The following EFL1 variants were observed in gnomAD, a reference collection of about 807,000 sequenced individuals.
EFL1 encodes elongation factor like GTPase 1, also known as elongation factor-like GTPase 1.
Under a neutral mutation model 126.7 loss-of-function variants are expected in EFL1, and 76 were observed. The ratio of observed to expected loss-of-function variants is 0.60; its 90% CI spans 0.50 to 0.73. The LOEUF (loss-of-function observed/expected upper bound fraction) is 0.73, where lower values mean the gene tolerates loss of function less well. EFL1 is among the 30% of genes least tolerant of loss of function. The pLI is 0.00. For synonymous variants in EFL1, 410 were observed against 448.4 expected (o/e 0.91, Z 1.08); for missense variants, 1,128 against 1,343.2 (o/e 0.84, Z 2.50).
At position 82,262,648 on chromosome 15, in the gene EFL1, C is replaced by G; in HGVS notation, c.-54G>C. 2 of 488,796 alleles carry G rather than the reference C, an allele frequency of 4.1e-6. No homozygotes were observed. The highest frequency in any genetic ancestry group is 4.8e-5 in the South Asian group (2 of 41,272). The allele number at this position is 488,796 out of a possible 1,614,324, so 30.3% of individuals were successfully genotyped here. A position where few individuals can be genotyped will look rare whatever the true frequency, so the allele number is the denominator to read the frequency against. Reference sequence around the variant, plus strand: ...CAGCCCCACCAGCCCCGCTCCTTCTCTCGGGTCGCACCCACACCGAGAGCT... The same window carrying G: ...CAGCCCCACCAGCCCCGCTCCTTCTGTCGGGTCGCACCCACACCGAGAGCT... On this transcript the variant is annotated 5_prime_UTR_variant, in exon 1 of 20. Transcript: ENST00000268206.
At chr15:82,261,651 T>C (rs1429631242) in intron 2 of EFL1, 37 bp downstream of exon 2, 1 of 1,587,520 alleles carries the variant, frequency 6.3e-7, no homozygotes, top group South Asian at 1.1e-5. Context: ...ACATCTCCCT[T>C]ATTTATCAAA....
At chr15:82,206,088 G>A (rs2074521862) in intron 15 of EFL1, among the ~76,000 whole-genome samples, 1 of 152,102 alleles carries the variant, frequency 6.6e-6, no homozygotes, top group South Asian at 2.1e-4. Context: ...TCCACTAGTC[G>A]CAAAGCATTG....
intron 9 of EFL1, among the ~76,000 whole-genome samples, chr15:82,228,539 G>A (rs2074788161): frequency 6.6e-6 from 1 of 152,140 alleles, no homozygotes; most frequent in Admixed American, 6.5e-5. Flanking sequence ...GATTTCCCAG[G>A]AAGTACTTCT....
chr15:82,230,080 A>G (rs2074805417), intron 8 of EFL1, among the ~76,000 whole-genome samples: 1 of 152,192 alleles, frequency 6.6e-6, no homozygotes, highest in South Asian at 2.1e-4. Context: ...ATGGCAAGGG[A>G]AGATGTTCAT....
intron 15 of EFL1, among the ~76,000 whole-genome samples, chr15:82,194,243 C>T (rs1320233259): frequency 3.9e-5 from 6 of 152,224 alleles, no homozygotes; most frequent in South Asian, 2.1e-4. Flanking sequence ...GACCAAATTT[C>T]GCTCTTCATT....
At chr15:82,164,123 G>T in intron 15 of EFL1, 139 bp from the exon 16 acceptor site, 1 of 1,058,668 alleles carries the variant, frequency 9.4e-7, no homozygotes, top group Non-Finnish European at 1.3e-6. Context: ...AGGCGGACCT[G>T]CACTGTTTTT....
chr15:82,172,137 C>T (rs2074142945), intron 15 of EFL1, among the ~76,000 whole-genome samples: 1 of 151,498 alleles, frequency 6.6e-6, no homozygotes, highest in Non-Finnish European at 1.5e-5. Flanking sequence ...AAACCAGATA[C>T]TATTTCACAC....
chr15:82,159,893 A>T (rs554839762), intron 16 of EFL1: 98 of 152,346 alleles, frequency 6.4e-4, no homozygotes, highest in African/African-American at 2.2e-3. Flanking sequence ...AATGGTCATT[A>T]AAATCAAGTG....
chr15:82,225,354 A>G, intron 11 of EFL1, 90 bp from the exon 12 acceptor site: 1 of 976,186 alleles, frequency 1.0e-6, no homozygotes, highest in Non-Finnish European at 1.5e-6. Context: ...AAATGTTTAG[A>G]ACATGGATGG....
intron 8 of EFL1, among the ~76,000 whole-genome samples, chr15:82,230,428 C>T (rs1217591168): frequency 6.6e-6 from 1 of 152,040 alleles, no homozygotes; most frequent in Non-Finnish European, 1.5e-5. Context: ...ATCTACACTG[C>T]ACGATGACCA....
chr15:82,162,254 G>A (rs1441670740), intron 16 of EFL1, among the ~76,000 whole-genome samples: 2 of 152,178 alleles, frequency 1.3e-5, no homozygotes, highest in Non-Finnish European at 2.9e-5. Context: ...CTGCACTCCG[G>A]CCTGGGTGAC....
At chr15:82,151,096 T>A (rs2073901503) in intron 18 of EFL1, among the ~76,000 whole-genome samples, 1 of 152,180 alleles carries the variant, frequency 6.6e-6, no homozygotes, top group South Asian at 2.1e-4. Context: ...TTTAAGATTT[T>A]TGGGTCTGCC....
At chr15:82,133,902 G>A (rs2073690123) in intron 19 of EFL1, among the ~76,000 whole-genome samples, 1 of 152,274 alleles carries the variant, frequency 6.6e-6, no homozygotes, top group East Asian at 1.9e-4. Flanking sequence ...CAGAGAGTGA[G>A]GAGTCGGGGG....
intron 3 of EFL1, among the ~76,000 whole-genome samples, chr15:82,258,747 T>C (rs1260068435): frequency 2.0e-5 from 3 of 152,172 alleles, no homozygotes; most frequent in Non-Finnish European, 2.9e-5. Flanking sequence ...CCTTTATCCG[T>C]CTTATTTCCC....
intron 15 of EFL1, among the ~76,000 whole-genome samples, chr15:82,214,046 CT>C (rs1055044031): frequency 6.6e-6 from 1 of 152,126 alleles, no homozygotes; most frequent in African/African-American, 2.4e-5. Context: ...CAAGCAATCA[CT>C]CAATAAATAG....
chr15:82,202,509 T>G (rs1335437051), intron 15 of EFL1, among the ~76,000 whole-genome samples: 2 of 152,192 alleles, frequency 1.3e-5, no homozygotes, highest in Non-Finnish European at 2.9e-5. Context: ...TTTTGATATT[T>G]TTTTGAAATG....
chr15:82,243,750 T>A (rs2074946391), intron 4 of EFL1, among the ~76,000 whole-genome samples: 1 of 148,964 alleles, frequency 6.7e-6, no homozygotes. Context: ...AATACCTATC[T>A]ACTTATCTAT....
Position 82,152,329 on chromosome 15 carries a change from T to G in EFL1, c.2125A>C (p.Ile709Leu). The part of the protein sequence containing the change: ...PPKVDMVNEE[I>L]GKQQKVAVIH... ...ACTGCAACTTTTTGCTGTTTGCCTATTTCTTCATTGACCATGTCAACTTTT... is the reference window on the plus strand; with the variant it reads ...ACTGCAACTTTTTGCTGTTTGCCTAGTTCTTCATTGACCATGTCAACTTTT... The change falls in exon 18 of 20, where the codon ATA becomes CTA. Residue 709 changes from isoleucine (I) to leucine (L), a missense_variant. Coordinates refer to ENST00000268206, the MANE Select transcript of EFL1 (RefSeq NM_024580.6). 1 of 1,614,096 alleles carries G rather than the reference T, an allele frequency of 6.2e-7. No homozygotes were observed. The highest frequency in any genetic ancestry group is 8.5e-7 in the Non-Finnish European group (1 of 1,180,048).
At chr15:82,199,929 G>C (rs1404900626) in intron 15 of EFL1, among the ~76,000 whole-genome samples, 2 of 152,156 alleles carry the variant, frequency 1.3e-5, no homozygotes, top group Non-Finnish European at 2.9e-5. Context: ...AAAGCTAAAA[G>C]TGACAGAACC....
Sources: gnomAD v4.1 joint callset for allele counts (sites outside exome capture counted in the v4.1 genomes callset) on GRCh38, gnomAD v4.1.1 for gene constraint, MANE v1.5 for transcripts, NCBI Gene and HGNC (gene_info 2026-07-23, HGNC 2026-07-21) for gene names.